Variants in ZNF341 observed in about 807,000 individuals in gnomAD.
The protein encoded by ZNF341 is zinc finger protein 341.
Under a neutral mutation model 87.7 loss-of-function variants are expected in ZNF341, and 52 were observed. That is an observed-to-expected ratio of 0.59 (90% confidence interval 0.47 to 0.75). The LOEUF is 0.75. Among genes scored for constraint, ZNF341 ranks in the 30% least tolerant of loss-of-function variants. ZNF341 has a pLI of 0.00. For synonymous variants in ZNF341, 459 were observed against 472.7 expected (o/e 0.97, Z 0.38); for missense variants, 977 against 1,145.9 (o/e 0.85, Z 2.13).
chr20:33,762,387 C>T (rs1202657510), intron 8 of ZNF341, among the ~76,000 whole-genome samples: 2 of 150,336 alleles, frequency 1.3e-5, no homozygotes, highest in Non-Finnish European at 2.9e-5. Flanking sequence ...CCATGATTGA[C>T]TTTGGGTAAT....
intron 4 of ZNF341, among the ~76,000 whole-genome samples, chr20:33,749,859 TCTC>T (rs1385064186): frequency 4.0e-5 from 6 of 151,388 alleles, no homozygotes; most frequent in African/African-American, 1.5e-4. Context: ...TCCAAGCAAT[TCTC>T]CTGCCTCAAC....
chr20:33,759,514 C>A (rs2019250120), intron 7 of ZNF341, among the ~76,000 whole-genome samples: 1 of 152,102 alleles, frequency 6.6e-6, no homozygotes, highest in African/African-American at 2.4e-5. Context: ...GAACTCCCAA[C>A]CTCAGGTGAT....
At chr20:33,780,865 T>C (rs2019726985) in intron 10 of ZNF341, among the ~76,000 whole-genome samples, 1 of 151,916 alleles carries the variant, frequency 6.6e-6, no homozygotes, top group Non-Finnish European at 1.5e-5. Flanking sequence ...AGCCACCACA[T>C]CTAGCTAATT....
intron 6 of ZNF341, among the ~76,000 whole-genome samples, chr20:33,758,028 C>G (rs938772712): frequency 1.3e-5 from 2 of 152,134 alleles, no homozygotes; most frequent in African/African-American, 4.8e-5. Flanking sequence ...CTACTCCTCC[C>G]CTTCCTTCCT....
chr20:33,766,086 T>C (rs888878531), intron 8 of ZNF341, among the ~76,000 whole-genome samples: 2 of 152,132 alleles, frequency 1.3e-5, no homozygotes, highest in Non-Finnish European at 2.9e-5. Flanking sequence ...GGTTTCACCA[T>C]GTTGGCCAGG....
Position 33,749,040 on chromosome 20 carries a change from C to A in ZNF341, c.457C>A (p.Gln153Lys). Reference protein sequence around the residue: ...SAMSAFTSLDQPMPQGPPPVQ... With the variant: ...SAMSAFTSLDKPMPQGPPPVQ... ...CATGTCAGCCTTCACATCCCTGGAC[C>A]AGCCCATGCCCCAGGGCCCCCCACC... The change falls in exon 4 of 15, where the codon CAG becomes AAG. Residue 153 changes from glutamine (Q) to lysine (K), a missense_variant. By Grantham distance (53) the Gln-to-Lys change is moderately conservative. Around this residue, in one of 3 missense-constraint regions of ZNF341, gnomAD observed 515 missense variants for 598.2 expected, o/e 0.86. Transcript: ENST00000375200. 1 of 1,614,144 alleles carries A rather than the reference C, an allele frequency of 6.2e-7. No individual in the cohort carries two copies.
At chr20:33,790,074 T>TC (rs1448721266) in intron 14 of ZNF341, among the ~76,000 whole-genome samples, 5 of 130,254 alleles carry the variant, frequency 3.8e-5, no homozygotes, top group Admixed American at 3.6e-4. Context: ...GCCAGATAAT[T>TC]TTTTTTTTTT....
chr20:33,785,049 A>G (rs1394768942), intron 12 of ZNF341, among the ~76,000 whole-genome samples: 1 of 152,066 alleles, frequency 6.6e-6, no homozygotes, highest in African/African-American at 2.4e-5. Context: ...TTTTCTATTA[A>G]TCTTTAGATT....
chr20:33,773,628 A>C (rs2019569931), intron 10 of ZNF341, among the ~76,000 whole-genome samples: 1 of 152,200 alleles, frequency 6.6e-6, no homozygotes, highest in African/African-American at 2.4e-5. Context: ...TATAAGGATC[A>C]AGTAAGACAA....
chr20:33,733,327 C>T (rs1230817678), intron 1 of ZNF341, among the ~76,000 whole-genome samples: 2 of 150,606 alleles, frequency 1.3e-5, no homozygotes, highest in African/African-American at 4.9e-5. Flanking sequence ...TCACGCCATT[C>T]TTCTGCTTCT....
At chr20:33,780,662 G>A (rs549931647) in intron 10 of ZNF341, among the ~76,000 whole-genome samples, 65 of 151,640 alleles carry the variant, frequency 4.3e-4, no homozygotes, top group East Asian at 4.3e-3. Flanking sequence ...CGCCTGCCTC[G>A]GCCTCCCGAA....
At chr20:33,745,357 A>G in intron 3 of ZNF341, 58 bp downstream of exon 3, 2 of 1,525,894 alleles carry the variant, frequency 1.3e-6, no homozygotes, top group Non-Finnish European at 1.8e-6. Flanking sequence ...ATGCTCAGGC[A>G]CTGTGCTGGG....
chr20:33,791,803 C>A lies in ZNF341; in HGVS notation c.*286C>A. The A allele has an allele frequency of 2.6e-6, 1 of 391,684 alleles. No homozygotes were observed. 24.3% of individuals were successfully genotyped at this position (391,684 alleles called of 1,614,324 possible). On this transcript the variant is annotated 3_prime_UTR_variant, in exon 15 of 15. Transcript: ENST00000375200. ...GGCTGAAGCCTGAGCAGCCCAGAGT[C>A]CCGCTGGTCTAGGCTGGTGGTCGGG...
chr20:33,750,013 G>A (rs2019019835), intron 4 of ZNF341, among the ~76,000 whole-genome samples: 1 of 151,730 alleles, frequency 6.6e-6, no homozygotes, highest in Admixed American at 6.6e-5. Flanking sequence ...TTGGCCCAAA[G>A]TGCTGGGATC....
chr20:33,766,367 G>A (rs2122696959), intron 8 of ZNF341, among the ~76,000 whole-genome samples: 1 of 151,934 alleles, frequency 6.6e-6, no homozygotes, highest in South Asian at 2.1e-4. Flanking sequence ...GCTAATTTTT[G>A]TATTGTTAGT....
intron 1 of ZNF341, among the ~76,000 whole-genome samples, chr20:33,736,853 G>C (rs907217542): frequency 4.6e-5 from 7 of 152,190 alleles, no homozygotes; most frequent in Non-Finnish European, 8.8e-5. Context: ...TGAAACTCCA[G>C]ATATTGGAAG....
chr20:33,765,632 G>A (rs921237396), intron 8 of ZNF341, among the ~76,000 whole-genome samples: 5 of 151,972 alleles, frequency 3.3e-5, no homozygotes, highest in Admixed American at 6.6e-5. Context: ...CTCCTTCCTC[G>A]GCCTCCTAAA....
At chr20:33,771,886 G>A (rs1007537753) in intron 10 of ZNF341, among the ~76,000 whole-genome samples, 10 of 151,060 alleles carry the variant, frequency 6.6e-5, no homozygotes, top group South Asian at 2.1e-4. Context: ...GTGTTGGCAC[G>A]CACCCGTAGT....
chr20:33,780,493 C>T (rs2019719636), intron 10 of ZNF341, among the ~76,000 whole-genome samples: 2 of 151,826 alleles, frequency 1.3e-5, no homozygotes, highest in Non-Finnish European at 2.9e-5. Flanking sequence ...CTGCAACCTC[C>T]GCCTCCTGGG....
Sources: gnomAD v4.1 joint callset for allele counts (sites outside exome capture counted in the v4.1 genomes callset) on GRCh38, gnomAD v4.1.1 for gene constraint, gnomAD v4.1.1 regional missense constraint, MANE v1.5 for transcripts, NCBI Gene and HGNC (gene_info 2026-07-23, HGNC 2026-07-21) for gene names.